Variants in PSPC1 observed in about 807,000 individuals in gnomAD.
PSPC1 encodes paraspeckle protein 1.
A neutral mutation model predicts 51.6 loss-of-function variants in PSPC1; 14 were observed. The observed-to-expected ratio is 0.27, with a 90% CI of 0.18 to 0.42. PSPC1 has a LOEUF of 0.42. Among genes scored for constraint, PSPC1 ranks in the 10% least tolerant of loss-of-function variants. The probability of loss-of-function intolerance (pLI) is 1.00; values close to 1 mark genes in which losing one functional copy is unlikely to be tolerated. For synonymous variants in PSPC1, 193 were observed against 231.9 expected, an observed-to-expected ratio of 0.83 and a Z score of 1.53; for missense variants, 406 against 701.1, an observed-to-expected ratio of 0.58 and a Z score of 4.75.
At chr13:19,711,356 GT>G (rs1881387523) in intron 6 of PSPC1, among the ~76,000 whole-genome samples, 2 of 152,282 alleles carry the variant, frequency 1.3e-5, no homozygotes, top group South Asian at 4.1e-4. Flanking sequence ...CTGTCTCTAG[GT>G]TGGGCGCGGT....
chr13:19,742,260 C>CAG (rs1555241025), intron 4 of PSPC1, among the ~76,000 whole-genome samples: 1 of 119,156 alleles, frequency 8.4e-6, no homozygotes, highest in East Asian at 2.4e-4. Context: ...GACTCAATCT[C>CAG]AAAAAAAAAA....
At chr13:19,699,512 A>G (rs1330798073), downstream of PSPC1, 1 of 152,060 alleles carries the variant, frequency 6.6e-6, no homozygotes, top group African/African-American at 2.4e-5. Flanking sequence ...AAAGTATAAG[A>G]CTACTCCCAA....
chr13:19,768,597 G>A (rs1232551400), intron 2 of PSPC1, among the ~76,000 whole-genome samples: 2 of 150,400 alleles, frequency 1.3e-5, no homozygotes, highest in Non-Finnish European at 3.0e-5. Context: ...GCAGTGAGCC[G>A]AGATCACGCC....
chr13:19,750,862 C>T (rs1300767179), intron 4 of PSPC1, among the ~76,000 whole-genome samples: 8 of 151,974 alleles, frequency 5.3e-5, no homozygotes, highest in African/African-American at 1.9e-4. Context: ...CTCTACCTCC[C>T]GGGTTCAAGC....
intron 6 of PSPC1, among the ~76,000 whole-genome samples, chr13:19,728,380 T>C (rs1036418636): frequency 1.3e-5 from 2 of 151,472 alleles, no homozygotes. Context: ...GATTCCTCCC[T>C]TTAAACTGAA....
chr13:19,684,875 GA>G (rs1877689374), intron 6 of PSPC1, among the ~76,000 whole-genome samples: 2 of 152,184 alleles, frequency 1.3e-5, no homozygotes, highest in Admixed American at 1.3e-4. Flanking sequence ...GTATTTACAT[GA>G]AAATACATTA....
At chr13:19,720,930 A>C (rs1344581058) in intron 6 of PSPC1, among the ~76,000 whole-genome samples, 1 of 152,178 alleles carries the variant, frequency 6.6e-6, no homozygotes, top group East Asian at 1.9e-4. Flanking sequence ...AAAGTTTATA[A>C]TTATAATAAT....
At chr13:19,752,353 GAATA>G (rs1236396712) in intron 3 of PSPC1, among the ~76,000 whole-genome samples, 2 of 151,924 alleles carry the variant, frequency 1.3e-5, no homozygotes, top group Non-Finnish European at 2.9e-5. Flanking sequence ...TACATTTCTT[GAATA>G]AATTAACGAA....
At chr13:19,726,403 A>G (rs929202122) in intron 6 of PSPC1, among the ~76,000 whole-genome samples, 2 of 152,226 alleles carry the variant, frequency 1.3e-5, no homozygotes, top group African/African-American at 2.4e-5. Context: ...CTGAATCAAA[A>G]TACTTGGAGG....
At chr13:19,748,459 T>C (rs1353562559) in intron 4 of PSPC1, among the ~76,000 whole-genome samples, 1 of 152,086 alleles carries the variant, frequency 6.6e-6, no homozygotes, top group Non-Finnish European at 1.5e-5. Context: ...ACACACACGA[T>C]AAACAACAAA....
intron 2 of PSPC1, among the ~76,000 whole-genome samples, chr13:19,771,344 C>G (rs1327447501): frequency 2.0e-5 from 3 of 152,036 alleles, no homozygotes; most frequent in Non-Finnish European, 4.4e-5. Context: ...TCGCCATTTG[C>G]CCAGGCTGGT....
At chr13:19,781,680 C>G (rs1420825812) in intron 1 of PSPC1, among the ~76,000 whole-genome samples, 2 of 152,116 alleles carry the variant, frequency 1.3e-5, no homozygotes, top group Non-Finnish European at 2.9e-5. Flanking sequence ...GCAGGCTGCA[C>G]TGAGGTGAGA....
intron 5 of PSPC1, among the ~76,000 whole-genome samples, chr13:19,738,838 G>A (rs1008945404): frequency 6.6e-6 from 1 of 150,880 alleles, no homozygotes; most frequent in Admixed American, 6.6e-5. Context: ...ACTCGGAGGC[G>A]AAGCTTGCAG....
At chr13:19,701,436 T>C (rs1031756693), downstream of PSPC1, among the ~76,000 whole-genome samples, 45 of 151,882 alleles carry the variant, frequency 3.0e-4, no homozygotes, top group Non-Finnish European at 5.2e-4. Context: ...CCACTCTCCA[T>C]CACCTCATAC....
At chr13:19,735,953 TG>T (rs1361585715) in intron 5 of PSPC1, among the ~76,000 whole-genome samples, 2 of 152,138 alleles carry the variant, frequency 1.3e-5, no homozygotes, top group African/African-American at 4.8e-5. Context: ...TCTGAGTAGC[TG>T]GGACTACAGG....
intron 5 of PSPC1, among the ~76,000 whole-genome samples, chr13:19,733,264 G>C (rs571579954): frequency 6.6e-6 from 1 of 152,174 alleles, no homozygotes; most frequent in East Asian, 1.9e-4. Context: ...TGGCATGAAA[G>C]AATGTCTGCG....
At chr13:19,737,474 T>C (rs964840468) in intron 5 of PSPC1, among the ~76,000 whole-genome samples, 3 of 152,208 alleles carry the variant, frequency 2.0e-5, no homozygotes, top group Non-Finnish European at 4.4e-5. Context: ...GGTAAGAATA[T>C]CACAGAAATA....
Position 19,778,314 on chromosome 13 carries a change from T to C in PSPC1, c.372+4072A>G, listed in dbSNP as rs574825605. On this transcript the variant is annotated intron_variant, in intron 1 of 8. Coordinates refer to ENST00000338910, the MANE Select transcript of PSPC1 (RefSeq NM_001354909.2). ...TAAAAAAGAAAAAAATTAATAAAAA[T>C]ACCGTACCATGTAATTACAATTTTC... Among the ~76,000 whole-genome samples the C allele has an allele frequency of 1.1e-4, 16 of 150,094 alleles. No individual in the cohort carries two copies. In the South Asian group the frequency reaches 3.4e-3, roughly 32 times the overall value.
intron 4 of PSPC1, among the ~76,000 whole-genome samples, chr13:19,744,045 C>A (rs1271931513): frequency 6.6e-6 from 1 of 152,124 alleles, no homozygotes; most frequent in Non-Finnish European, 1.5e-5. Context: ...GAGGCGGAGG[C>A]TGCAGTGGGC....
Sources: allele counts gnomAD v4.1 joint callset (sites outside exome capture counted in the v4.1 genomes callset), GRCh38; gene constraint gnomAD v4.1.1; transcripts MANE v1.5; gene names NCBI Gene and HGNC (gene_info 2026-07-23, HGNC 2026-07-21).